CRTAC1: variants seen among roughly 807,000 people sequenced by gnomAD.
CRTAC1 encodes the protein cartilage acidic protein 1, also known as acidic secreted protein in cartilage.
A neutral mutation model predicts 67.8 loss-of-function variants in CRTAC1; 37 were observed. The observed-to-expected ratio is 0.55, with a 90% CI of 0.42 to 0.72. CRTAC1 has a LOEUF of 0.72. Ranked by LOEUF, CRTAC1 falls within the 30% of genes least tolerant of loss-of-function variation. The probability of loss-of-function intolerance (pLI) is 0.00; values close to 1 mark genes in which losing one functional copy is unlikely to be tolerated. For missense variants in CRTAC1, 780 were observed against 931.6 expected (o/e 0.84, Z 2.12); for synonymous variants, 348 against 371.0 (o/e 0.94, Z 0.71).
chr10:97,870,052 T>C (rs2050074756), intron 14 of CRTAC1: 1 of 152,204 alleles, frequency 6.6e-6, no homozygotes, highest in Admixed American at 6.5e-5. Context: ...GGGAGACTAA[T>C]ATCTCACAGA....
intron 11 of CRTAC1, among the ~76,000 whole-genome samples, chr10:97,893,985 A>C (rs2050415071): frequency 1.3e-5 from 2 of 152,216 alleles, no homozygotes; most frequent in Non-Finnish European, 2.9e-5. Flanking sequence ...GCTGTATCAC[A>C]GTCACTTGAA....
chr10:98,011,470 G>A, intron 1 of CRTAC1, 133 bp from the exon 2 acceptor site: 1 of 989,728 alleles, frequency 1.0e-6, no homozygotes, highest in Non-Finnish European at 1.5e-6. Flanking sequence ...TAGGCTGCTG[G>A]CTTTCCACAA....
intron 13 of CRTAC1, 132 bp from the exon 14 acceptor site, chr10:97,880,524 T>G: frequency 8.7e-7 from 1 of 1,147,584 alleles, no homozygotes; most frequent in Non-Finnish European, 1.2e-6. Context: ...CCTGCTTCAG[T>G]TCCCTTGGCT....
At chr10:97,939,255 C>T (rs2136617803) in intron 2 of CRTAC1, among the ~76,000 whole-genome samples, 1 of 152,298 alleles carries the variant, frequency 6.6e-6, no homozygotes, top group South Asian at 2.1e-4. Flanking sequence ...GGTCCCTGCA[C>T]CATGGTAGTA....
intron 2 of CRTAC1, among the ~76,000 whole-genome samples, chr10:97,942,772 G>GAA (rs762116125): frequency 7.3e-6 from 1 of 136,252 alleles, no homozygotes; most frequent in Non-Finnish European, 1.6e-5. Flanking sequence ...ATTAAAAAGT[G>GAA]AAAAAAAAAA....
intron 2 of CRTAC1, among the ~76,000 whole-genome samples, chr10:97,954,016 G>C (rs541366096): frequency 6.6e-6 from 1 of 152,140 alleles, no homozygotes. Flanking sequence ...ATGCCAGGTG[G>C]CTGTCGAGAC....
rs553785783 is a variant in CRTAC1 at position 97,880,525 on chromosome 10, T to G, written c.1676-133A>C. ...AGAGCCTCAGTTTCCCTGCTTCAGT[T>G]CCCTTGGCTGGCTCCTCCTGTACTT... On this transcript the variant is annotated intron_variant, in intron 13 of 14. Coordinates refer to ENST00000370597, the MANE Select transcript of CRTAC1 (RefSeq NM_018058.7). 60 of 1,163,188 alleles carry G rather than the reference T, an allele frequency of 5.2e-5. 2 individuals carry two copies. In the South Asian group the frequency reaches 8.1e-4, roughly 16 times the overall value. 72.1% of individuals were successfully genotyped at this position (1,163,188 alleles called of 1,614,324 possible).
intron 14 of CRTAC1, chr10:97,866,061 G>A (rs11189413): frequency 0.56 from 149,994 of 267,040 alleles, 43,295 homozygotes; most frequent in East Asian, 0.84. Flanking sequence ...GCCGAGGCCT[G>A]CCACATAGAG....
chr10:97,911,121 T>C (rs2050683069), intron 5 of CRTAC1, among the ~76,000 whole-genome samples: 1 of 152,218 alleles, frequency 6.6e-6, no homozygotes, highest in South Asian at 2.1e-4. Flanking sequence ...GTCCCTGCCC[T>C]GGTCTTACCA....
At chr10:97,981,502 T>C (rs893539868) in intron 2 of CRTAC1, among the ~76,000 whole-genome samples, 5 of 152,224 alleles carry the variant, frequency 3.3e-5, no homozygotes, top group African/African-American at 9.6e-5. Context: ...TCTCATCACA[T>C]TGATGTTCCA....
Position 97,895,389 on chromosome 10 carries a change from C to T in CRTAC1, c.1342G>A (p.Val448Met), listed in dbSNP as rs369478899. 1 of 1,609,390 alleles carries T rather than the reference C, an allele frequency of 6.2e-7. No individual in the cohort carries two copies. Among genetic ancestry groups the T allele is most frequent in the Non-Finnish European group, 8.5e-7 (1 of 1,177,990 alleles). Residue 448 changes from valine to methionine, a missense_variant, in exon 11 of 15, where the codon GTG (valine) becomes ATG (methionine). Val to Met is a conservative substitution (Grantham distance 21). Transcript: ENST00000370597. The surrounding 1 kb of genome is among the most constrained non-coding windows in gnomAD (Gnocchi z 4.2). ...NQGFNNNWLRVVPRTRFGAFA... is the reference protein window; with the variant it reads ...NQGFNNNWLRMVPRTRFGAFA... ...GCCCCAAACCGGGTGCGTGGCACCA[C>T]TCGCAGCCAGTTGTTGTTGAAGCCC...
intron 2 of CRTAC1, among the ~76,000 whole-genome samples, chr10:98,010,455 AGAT>A (rs1268602615): frequency 6.6e-6 from 1 of 152,194 alleles, no homozygotes; most frequent in African/African-American, 2.4e-5. Flanking sequence ...CCCTTTTTAC[AGAT>A]GATATCTCTG....
At chr10:97,892,218 T>A (rs1245194803) in intron 11 of CRTAC1, among the ~76,000 whole-genome samples, 1 of 152,228 alleles carries the variant, frequency 6.6e-6, no homozygotes, top group Non-Finnish European at 1.5e-5. Context: ...GGGCAGATTC[T>A]GGCCAGAGAA....
chr10:97,917,685 C>A, intron 4 of CRTAC1, 29 bp from the exon 5 acceptor site: 1 of 1,507,152 alleles, frequency 6.6e-7, no homozygotes, highest in Non-Finnish European at 9.0e-7. Flanking sequence ...GAGAGGTGAG[C>A]AGGGCCACCT....
chr10:98,007,734 G>A (rs1383556636), intron 2 of CRTAC1, among the ~76,000 whole-genome samples: 1 of 152,160 alleles, frequency 6.6e-6, no homozygotes. Flanking sequence ...TGTTTCCGGA[G>A]GATGACTCCA....
rs1564882675 is a variant in CRTAC1 at position 97,895,417 on chromosome 10, CAG to C, written c.1318-6_1318-5del. 1 of 1,592,484 alleles carries C rather than the reference CAG, an allele frequency of 6.3e-7. No homozygotes were observed. The highest frequency in any genetic ancestry group is 8.5e-7 in the Non-Finnish European group (1 of 1,170,550). On this transcript the variant is annotated splice_polypyrimidine_tract_variant and splice_region_variant and intron_variant, in intron 10 of 14. Coordinates refer to ENST00000370597, the MANE Select transcript of CRTAC1 (RefSeq NM_018058.7). The surrounding 1 kb of genome is among the most constrained non-coding windows in gnomAD (Gnocchi z 4.2). Reference sequence around the variant, plus strand: ...GCAGCCAGTTGTTGTTGAAGCCCTGCAGAGAGGGTGAGAGGCAGACACCCGGT... The same window carrying C: ...GCAGCCAGTTGTTGTTGAAGCCCTGCAGAGGGTGAGAGGCAGACACCCGGT...
chr10:97,893,524 T>G (rs966449703), intron 11 of CRTAC1, among the ~76,000 whole-genome samples: 6 of 152,208 alleles, frequency 3.9e-5, no homozygotes, highest in Non-Finnish European at 7.3e-5. Flanking sequence ...CAGAAGCCTC[T>G]TTAGACTTTT....
intron 14 of CRTAC1, chr10:97,865,915 C>A: frequency 1.4e-6 from 1 of 735,236 alleles, no homozygotes; most frequent in East Asian, 2.9e-5. Flanking sequence ...CATTTCCTGA[C>A]CTGGGGGCTT....
At chr10:97,954,606 C>A (rs1564910546) in intron 2 of CRTAC1, among the ~76,000 whole-genome samples, 1 of 152,190 alleles carries the variant, frequency 6.6e-6, no homozygotes, top group Admixed American at 6.5e-5. Flanking sequence ...AGGCCTTCAT[C>A]TTTGTGTGAA....
Sources: allele counts gnomAD v4.1 joint callset (sites outside exome capture counted in the v4.1 genomes callset), GRCh38; gene constraint gnomAD v4.1.1; non-coding constraint Gnocchi (gnomAD v3.1); transcripts MANE v1.5; gene names NCBI Gene and HGNC (gene_info 2026-07-23, HGNC 2026-07-21).